The following PTPRZ1 variants were observed in gnomAD, a reference collection of about 807,000 sequenced individuals.
PTPRZ1 encodes receptor-type tyrosine-protein phosphatase zeta.
A neutral mutation model predicts 214.1 loss-of-function variants in PTPRZ1; 82 were observed. That is an observed-to-expected ratio of 0.38 (90% CI 0.32 to 0.46). PTPRZ1 has a LOEUF of 0.46. Ranked by LOEUF, PTPRZ1 falls within the 20% of genes least tolerant of loss-of-function variation. The probability of loss-of-function intolerance (pLI) is 1.00; values close to 1 mark genes in which losing one functional copy is unlikely to be tolerated. For synonymous variants in PTPRZ1, 945 were observed against 987.9 expected (o/e 0.96, Z 0.81); for missense variants, 2,603 against 2,748.7 (o/e 0.95, Z 1.19).
At chr7:121,985,151 G>GAATATTTA (rs1797728375) in intron 8 of PTPRZ1, among the ~76,000 whole-genome samples, 1 of 152,080 alleles carries the variant, frequency 6.6e-6, no homozygotes, top group African/African-American at 2.4e-5. Flanking sequence ...GTGATGAATA[G>GAATATTTA]CTATATTTAC....
At chr7:121,935,544 T>TTTG (rs1563025623) in intron 2 of PTPRZ1, among the ~76,000 whole-genome samples, 1,465 of 131,176 alleles carry the variant, frequency 0.011, 13 homozygotes, top group Middle Eastern at 0.028. Flanking sequence ...TTGGGGTTTT[T>TTTG]TTTGTTTGTT....
At chr7:121,935,616 G>C (rs1310419207) in intron 2 of PTPRZ1, among the ~76,000 whole-genome samples, 1 of 152,064 alleles carries the variant, frequency 6.6e-6, no homozygotes, top group Non-Finnish European at 1.5e-5. Flanking sequence ...CCAGGCTGGA[G>C]TGCAGTGGCG....
intron 9 of PTPRZ1, 86 bp downstream of exon 9, chr7:121,996,652 T>G: frequency 9.1e-7 from 1 of 1,098,384 alleles, no homozygotes; most frequent in South Asian, 2.7e-5. Context: ...GTATATTATT[T>G]TCCTCCATTA....
At chr7:121,892,679 C>CATATAT (rs58030102) in intron 1 of PTPRZ1, among the ~76,000 whole-genome samples, 2,417 of 97,352 alleles carry the variant, frequency 0.025, 172 homozygotes, top group Non-Finnish European at 0.036. Flanking sequence ...TCAAGCATCT[C>CATATAT]ATATATATAT....
chr7:122,013,895 T>TTA lies in PTPRZ1; in HGVS notation c.4843+7_4843+8dup, dbSNP rs1366221479. 2 of 1,592,186 alleles carry TTA rather than the reference T, an allele frequency of 1.3e-6. No individual in the cohort carries two copies. Among genetic ancestry groups the TTA allele is most frequent in the African/African-American group, 2.7e-5 (2 of 74,498 alleles). On this transcript the variant is annotated splice_region_variant and intron_variant, in intron 12 of 29. Coordinates refer to ENST00000393386, the MANE Select transcript of PTPRZ1 (RefSeq NM_002851.3). ...GTTCCACGTTTCAGAGGCAGGTTAG[T>TTA]TACGGATCAGAAGGACAGATTGAGG...
chr7:122,029,534 A>G (rs147455734), intron 14 of PTPRZ1, among the ~76,000 whole-genome samples: 83 of 152,090 alleles, frequency 5.5e-4, no homozygotes, highest in African/African-American at 2.0e-3. Context: ...AAGAGAAGTT[A>G]AGAAAGTAGG....
intron 4 of PTPRZ1, among the ~76,000 whole-genome samples, chr7:121,973,375 G>GT: frequency 6.6e-6 from 1 of 151,830 alleles, no homozygotes; most frequent in Non-Finnish European, 1.5e-5. Context: ...AAAGAAACAT[G>GT]TTAAGTGGTA....
At chr7:122,039,265 G>A (rs188069143) in intron 19 of PTPRZ1, among the ~76,000 whole-genome samples, 189 bp from the exon 20 acceptor site, 73 of 152,168 alleles carry the variant, frequency 4.8e-4, no homozygotes, top group Non-Finnish European at 8.7e-4. Flanking sequence ...TCTCAGTCTC[G>A]TTCAGCTCTC....
intron 23 of PTPRZ1, among the ~76,000 whole-genome samples, chr7:122,049,467 A>T (rs2150487028): frequency 6.6e-6 from 1 of 152,222 alleles, no homozygotes; most frequent in Non-Finnish European, 1.5e-5. Flanking sequence ...ATACATAAAA[A>T]TCAATAGCAT....
chr7:121,909,509 G>C (rs1294926199), intron 1 of PTPRZ1, among the ~76,000 whole-genome samples: 1 of 152,084 alleles, frequency 6.6e-6, no homozygotes, highest in Non-Finnish European at 1.5e-5. Flanking sequence ...TTACAGATTT[G>C]GAGAAAATTA....
intron 1 of PTPRZ1, among the ~76,000 whole-genome samples, chr7:121,926,888 A>G (rs918017624): frequency 1.2e-4 from 18 of 152,120 alleles, no homozygotes; most frequent in African/African-American, 4.3e-4. Flanking sequence ...TAATATATAG[A>G]TTTTTACAAA....
chr7:121,873,240 C>G lies in PTPRZ1; in HGVS notation c.-260C>G. ...ATGCGCCTCGGCTAGCGGCCCCGGG[C>G]CCCACCACCGTGCGGCTTTCTCCAG... On this transcript the variant is annotated 5_prime_UTR_variant, in exon 1 of 30. Coordinates refer to ENST00000393386, the MANE Select transcript of PTPRZ1 (RefSeq NM_002851.3). The G allele has an allele frequency of 4.4e-6, 2 of 451,268 alleles. No individual in the cohort carries two copies. The highest frequency in any genetic ancestry group is 7.8e-6 in the Non-Finnish European group (2 of 255,232). 28.0% of individuals were successfully genotyped at this position (451,268 alleles called of 1,614,324 possible). A position where few individuals can be genotyped will look rare whatever the true frequency, so the allele number is the denominator to read the frequency against.
chr7:121,976,092 A>T, intron 4 of PTPRZ1, 81 bp from the exon 5 acceptor site: 1 of 916,078 alleles, frequency 1.1e-6, no homozygotes, highest in Non-Finnish European at 1.7e-6. Flanking sequence ...AGATTTTGGA[A>T]ATACTTAGAA....
chr7:122,051,876 A>G lies in PTPRZ1; in HGVS notation c.6189A>G (p.Ser2063=), dbSNP rs1792197590. The change falls in exon 25 of 30, where the codon TCA becomes TCG. Residue 2063 remains serine (S), a synonymous_variant. Coordinates refer to ENST00000393386, the MANE Select transcript of PTPRZ1 (RefSeq NM_002851.3). ...RTSSIIPVER[S]RVGISSLSGE... ...TGTTCTGTGTTCCAGTGGAAAGATCAAGGGTTGGCATTTCATCCCTGAGTG... is the reference window on the plus strand; with the variant it reads ...TGTTCTGTGTTCCAGTGGAAAGATCGAGGGTTGGCATTTCATCCCTGAGTG... 1.2e-6 allele frequency: 2 copies of G among 1,612,378 alleles called. No homozygotes were observed. Among genetic ancestry groups the G allele is most frequent in the Non-Finnish European group, 1.7e-6 (2 of 1,179,438 alleles).
chr7:121,915,085 T>C (rs1353598432), intron 1 of PTPRZ1, among the ~76,000 whole-genome samples: 12 of 152,120 alleles, frequency 7.9e-5, no homozygotes, highest in Non-Finnish European at 1.6e-4. Context: ...CACCGCCGTA[T>C]ACTGCACACA....
chr7:121,907,250 C>A (rs1563011602), intron 1 of PTPRZ1, among the ~76,000 whole-genome samples: 1 of 151,974 alleles, frequency 6.6e-6, no homozygotes, highest in Non-Finnish European at 1.5e-5. Flanking sequence ...AGAAAATAAA[C>A]TGATTGGCAC....
chr7:121,931,451 C>G (rs1795922479), intron 2 of PTPRZ1, among the ~76,000 whole-genome samples: 1 of 152,244 alleles, frequency 6.6e-6, no homozygotes, highest in African/African-American at 2.4e-5. Context: ...ACCCTCCACT[C>G]TCCCTAAACC....
chr7:121,959,304 G>A (rs1036000644), intron 2 of PTPRZ1, among the ~76,000 whole-genome samples: 1 of 152,166 alleles, frequency 6.6e-6, no homozygotes, highest in East Asian at 1.9e-4. Context: ...GAAAACAAAG[G>A]AAAATGTAGT....
intron 6 of PTPRZ1, among the ~76,000 whole-genome samples, chr7:121,977,238 A>G (rs1797468529): frequency 6.6e-6 from 1 of 152,212 alleles, no homozygotes; most frequent in South Asian, 2.1e-4. Context: ...GTAGAAAAGG[A>G]ATTGTTACTC....
Sources: allele counts gnomAD v4.1 joint callset (sites outside exome capture counted in the v4.1 genomes callset), GRCh38; gene constraint gnomAD v4.1.1; transcripts MANE v1.5; gene names NCBI Gene and HGNC (gene_info 2026-07-23, HGNC 2026-07-21).